Variants in SLC67A1 observed in about 807,000 individuals in gnomAD.
SLC67A1 encodes solute carrier family 67 member 1.
chr11:2,911,895 G>A, the SLC67A1 span, among the ~76,000 whole-genome samples: 18 of 152,134 alleles, frequency 1.2e-4, no homozygotes, highest in South Asian at 4.1e-4. Flanking sequence ...CTGCCAAGAC[G>A]GCCTCTACCT....
chr11:2,908,298 G>C, the SLC67A1 span: 1 of 1,613,652 alleles, frequency 6.2e-7, no homozygotes, highest in Non-Finnish European at 8.5e-7. Flanking sequence ...CCTTCGGGGT[G>C]CTGCAGCTGC....
the SLC67A1 span, among the ~76,000 whole-genome samples, chr11:2,923,023 G>T: frequency 1.3e-5 from 2 of 152,194 alleles, no homozygotes; most frequent in Non-Finnish European, 2.9e-5. The surrounding 1 kb of genome is among the most constrained non-coding windows in gnomAD (Gnocchi z 6.5). Context: ...AGGGGACACA[G>T]GTCCCCTAGA....
chr11:2,910,841 G>T, the SLC67A1 span, among the ~76,000 whole-genome samples: 1 of 152,236 alleles, frequency 6.6e-6, no homozygotes, highest in Non-Finnish European at 1.5e-5. Flanking sequence ...GTGCCACTGG[G>T]ATTTGGGTCT....
At chr11:2,922,123 G>C in the SLC67A1 span, 1 of 1,613,172 alleles carries the variant, frequency 6.2e-7, no homozygotes, top group Admixed American at 1.7e-5. Flanking sequence ...CCTGGTCATC[G>C]GGCAGCTGAG....
chr11:2,908,688 C>G, the SLC67A1 span, among the ~76,000 whole-genome samples: 2 of 152,168 alleles, frequency 1.3e-5, no homozygotes, highest in Non-Finnish European at 2.9e-5. Flanking sequence ...TGAGAGAGGA[C>G]AGGGACATCC....
the SLC67A1 span, among the ~76,000 whole-genome samples, chr11:2,907,841 C>T: frequency 6.6e-6 from 1 of 152,180 alleles, no homozygotes; most frequent in Non-Finnish European, 1.5e-5. This position sits in a 1 kb window ranked among gnomAD's most constrained non-coding sequence, Gnocchi z 6.7. Flanking sequence ...CAATGGGCCA[C>T]CTCTTGGAGG....
the SLC67A1 span, chr11:2,915,178 T>G: frequency 8.1e-6 from 8 of 985,282 alleles, no homozygotes; most frequent in Non-Finnish European, 7.2e-6. Context: ...CCAGACTCTC[T>G]GGACTCAGAG....
the SLC67A1 span, chr11:2,916,856 C>G: frequency 3.6e-6 from 3 of 830,516 alleles, no homozygotes; most frequent in Non-Finnish European, 4.1e-6. Context: ...GGGGGCTACT[C>G]ACACCCTCCT....
At chr11:2,900,692 CAAAAAAA>C in the SLC67A1 span, among the ~76,000 whole-genome samples, 14 of 59,640 alleles carry the variant, frequency 2.3e-4, no homozygotes, top group East Asian at 1.4e-3. Context: ...GACTCCGTCT[CAAAAAAA>C]AAAAAAAAAA....
At chr11:2,919,498 C>A in the SLC67A1 span, 3 of 939,398 alleles carry the variant, frequency 3.2e-6, no homozygotes, top group Non-Finnish European at 5.1e-6. Flanking sequence ...CCGGCGGAGG[C>A]TGGGGAGCCC....
chr11:2,903,360 G>A, the SLC67A1 span: 1 of 1,612,888 alleles, frequency 6.2e-7, no homozygotes, highest in Middle Eastern at 1.7e-4. Context: ...AGGGAGCTCG[G>A]GCTCCCAGGG....
the SLC67A1 span, among the ~76,000 whole-genome samples, chr11:2,910,865 C>G: frequency 6.6e-6 from 1 of 152,216 alleles, no homozygotes; most frequent in African/African-American, 2.4e-5. Context: ...TCAGGCCCAG[C>G]CTGGGTGCCT....
At chr11:2,904,174 T>A in the SLC67A1 span, among the ~76,000 whole-genome samples, 2 of 152,208 alleles carry the variant, frequency 1.3e-5, no homozygotes, top group African/African-American at 4.8e-5. Context: ...AAGTCTCACA[T>A]CACCAAGAAG....
the SLC67A1 span, chr11:2,903,335 G>T: frequency 5.6e-6 from 9 of 1,611,678 alleles, no homozygotes; most frequent in South Asian, 9.9e-5. Context: ...TCCCTGCTGC[G>T]CCTGTCCAGG....
At chr11:2,902,646 C>G in the SLC67A1 span, 5 of 985,354 alleles carry the variant, frequency 5.1e-6, no homozygotes, top group Non-Finnish European at 6.0e-6. Flanking sequence ...CCTCTGCAGC[C>G]GCAAAATCCA....
the SLC67A1 span, chr11:2,909,859 G>A: frequency 4.5e-6 from 4 of 891,216 alleles, no homozygotes; most frequent in African/African-American, 5.4e-5. Flanking sequence ...GTCTGGCCCC[G>A]CGCGAGGCCT....
At chr11:2,922,441 G>C in the SLC67A1 span, 318,893 of 1,609,698 alleles carry the variant, frequency 0.2, 34,081 homozygotes, top group South Asian at 0.21. Flanking sequence ...CCCAGGCCTG[G>C]ATGTCCAGCG....
At chr11:2,916,587 C>T in the SLC67A1 span, 15 of 1,554,230 alleles carry the variant, frequency 9.7e-6, no homozygotes, top group Non-Finnish European at 1.2e-5. Flanking sequence ...GGCCCTGGGA[C>T]CCGCACCCTG....
the SLC67A1 span, chr11:2,918,028 C>A: frequency 6.2e-6 from 10 of 1,613,560 alleles, no homozygotes; most frequent in Non-Finnish European, 7.6e-6. Flanking sequence ...AGGCCATCGC[C>A]TCCCTGCTGC....
Sources: allele counts gnomAD v4.1 joint callset (sites outside exome capture counted in the v4.1 genomes callset), GRCh38; gene constraint gnomAD v4.1.1; non-coding constraint Gnocchi (gnomAD v3.1); transcripts MANE v1.5; gene names NCBI Gene and HGNC (gene_info 2026-07-23, HGNC 2026-07-21).